SNX29: variants seen among roughly 807,000 people sequenced by gnomAD.
The protein encoded by SNX29 is sorting nexin 29.
SNX29 carries 78 observed loss-of-function variants against 102.1 expected under a neutral mutation model. The observed-to-expected ratio is 0.76, with a 90% CI of 0.64 to 0.92. SNX29 has a LOEUF of 0.92. SNX29 is among the 40% of genes least tolerant of loss of function. SNX29 has a pLI of 0.00. For missense variants in SNX29, 1,280 were observed against 1,061.7 expected, an observed-to-expected ratio of 1.21 and a Z score of -2.86; for synonymous variants, 580 against 414.5, an observed-to-expected ratio of 1.40 and a Z score of -4.85.
At position 12,553,499 on chromosome 16, in the gene SNX29, GCA is replaced by G. The variant is rs570838638; in HGVS notation, c.2319-15003_2319-15002del. ...GCTGCTTAGACCAGGCAGGGCAGGT[GCA>G]CACTTGCCATCACAGTGCTGGAGGA... On this transcript the variant is annotated intron_variant, in intron 20 of 20. Transcript: ENST00000566228. Among the ~76,000 whole-genome samples the G allele has an allele frequency of 1.9e-3, 287 of 152,294 alleles. 4 individuals are homozygous for G. The highest frequency in any genetic ancestry group is 6.6e-3 in the African/African-American group (276 of 41,576).
intron 1 of SNX29, among the ~76,000 whole-genome samples, chr16:11,983,076 G>A (rs1285915557): frequency 1.3e-5 from 2 of 151,844 alleles, no homozygotes; most frequent in African/African-American, 4.8e-5. Context: ...GATTACGGGC[G>A]TGCACCACCA....
At chr16:12,544,507 A>G (rs1361270919) in intron 20 of SNX29, among the ~76,000 whole-genome samples, 1 of 152,016 alleles carries the variant, frequency 6.6e-6, no homozygotes, top group Non-Finnish European at 1.5e-5. Flanking sequence ...TCTAGATGGC[A>G]TTTTTCTGTG....
At position 12,572,095 on chromosome 16, in the gene SNX29, G is replaced by C; in HGVS notation, c.*3466G>C. The C allele has an allele frequency of 9.4e-6, 10 of 1,058,678 alleles. No homozygotes were observed. The highest frequency in any genetic ancestry group is 4.6e-5 in the South Asian group (1 of 21,870). The allele number at this position is 1,058,678 out of a possible 1,614,324, so 65.6% of individuals were successfully genotyped here. On this transcript the variant is annotated 3_prime_UTR_variant, in exon 21 of 21. Transcript: ENST00000566228. ...ATCTAGGAAGAGGAAGGGGAGGGAT[G>C]TGGACTGGGTCTGATCACAGCCCTT...
chr16:12,539,204 A>G (rs2077213397), intron 20 of SNX29, among the ~76,000 whole-genome samples: 1 of 152,098 alleles, frequency 6.6e-6, no homozygotes, highest in African/African-American at 2.4e-5. Flanking sequence ...TTGAGTAACC[A>G]CCATCACCGT....
intron 20 of SNX29, among the ~76,000 whole-genome samples, chr16:12,548,505 C>G (rs1186119809): frequency 6.6e-6 from 1 of 152,194 alleles, no homozygotes; most frequent in Admixed American, 6.5e-5. Context: ...GTTGTCTTGT[C>G]TGGACCAGAT....
intron 15 of SNX29, among the ~76,000 whole-genome samples, chr16:12,351,767 A>T (rs1358660023): frequency 6.6e-6 from 1 of 151,974 alleles, no homozygotes; most frequent in Non-Finnish European, 1.5e-5. Flanking sequence ...AGCCCAACTC[A>T]AATGTCACTT....
intron 13 of SNX29, among the ~76,000 whole-genome samples, chr16:12,133,255 T>C (rs1024500962): frequency 1.3e-4 from 19 of 151,432 alleles, no homozygotes; most frequent in South Asian, 2.1e-4. Context: ...TTACTTAACT[T>C]CTCTGTTTCT....
At chr16:12,305,999 G>T (rs1266340969) in intron 15 of SNX29, among the ~76,000 whole-genome samples, 1 of 151,892 alleles carries the variant, frequency 6.6e-6, no homozygotes, top group Non-Finnish European at 1.5e-5. Context: ...TATACTGGAG[G>T]ACACGGTTCT....
intron 15 of SNX29, among the ~76,000 whole-genome samples, chr16:12,327,517 G>A (rs894762269): frequency 1.3e-5 from 2 of 152,244 alleles, no homozygotes; most frequent in South Asian, 4.1e-4. Context: ...ACTCTGTCTT[G>A]TCCTTCTAAG....
intron 20 of SNX29, chr16:12,545,487 A>G (rs2077552944): frequency 6.6e-6 from 1 of 152,218 alleles, no homozygotes; most frequent in South Asian, 2.1e-4. Flanking sequence ...TCCTCCTGCA[A>G]CTGTGGCAAG....
chr16:12,044,597 GAGA>G (rs560660968), intron 5 of SNX29, among the ~76,000 whole-genome samples: 1,743 of 151,822 alleles, frequency 0.011, 28 homozygotes, highest in African/African-American at 0.04. Context: ...CCTTTTTTTT[GAGA>G]AGAAGTCTCG....
At chr16:12,064,056 A>G (rs1049286979) in intron 9 of SNX29, among the ~76,000 whole-genome samples, 2 of 151,846 alleles carry the variant, frequency 1.3e-5, no homozygotes, top group African/African-American at 4.8e-5. Flanking sequence ...CTCATGAATC[A>G]ATTTCCTGCT....
chr16:12,562,006 C>T (rs1239981505), intron 20 of SNX29, among the ~76,000 whole-genome samples: 1 of 152,158 alleles, frequency 6.6e-6, no homozygotes, highest in African/African-American at 2.4e-5. Context: ...GACCCTGCAA[C>T]CCAGGAGGCC....
At chr16:12,333,732 T>G (rs879824180) in intron 15 of SNX29, among the ~76,000 whole-genome samples, 1 of 152,130 alleles carries the variant, frequency 6.6e-6, no homozygotes, top group African/African-American at 2.4e-5. Flanking sequence ...AAGGTCTTAT[T>G]ACTTCAGCCA....
intron 7 of SNX29, among the ~76,000 whole-genome samples, chr16:12,050,458 G>C (rs1318356191): frequency 2.6e-5 from 4 of 152,172 alleles, no homozygotes; most frequent in Non-Finnish European, 5.9e-5. Context: ...GTGTGGGTTG[G>C]CATGGTGGCT....
chr16:12,000,788 G>T (rs759004052), intron 2 of SNX29, among the ~76,000 whole-genome samples: 6 of 152,162 alleles, frequency 3.9e-5, no homozygotes, highest in South Asian at 2.1e-4. Flanking sequence ...TGGCTCAGAC[G>T]TAGCTGGAAT....
At position 12,380,944 on chromosome 16, in the gene SNX29, TCCATCCAC is replaced by T. The variant is rs1303887624; in HGVS notation, c.1900-17494_1900-17487del. ...CCACCATCCATCCATCCACCATCCA[TCCATCCAC>T]CCATCCATCAATTTCATCCACCCAC... On this transcript the variant is annotated intron_variant, in intron 16 of 20. Coordinates refer to ENST00000566228, the MANE Select transcript of SNX29 (RefSeq NM_032167.5). 1.4e-4 allele frequency among the ~76,000 whole-genome samples: 5 copies of T among 35,654 alleles called. No individual in the cohort carries two copies. In the African/African-American group the frequency reaches 1.9e-3, roughly 13 times the overall value. 23.4% of individuals were successfully genotyped at this position (35,654 alleles called of 152,430 possible).
At chr16:12,156,341 T>G (rs1302461865) in intron 13 of SNX29, among the ~76,000 whole-genome samples, 2 of 152,148 alleles carry the variant, frequency 1.3e-5, no homozygotes, top group Admixed American at 1.3e-4. Flanking sequence ...ACCCGGTGAA[T>G]TTTTGTATGT....
intron 13 of SNX29, among the ~76,000 whole-genome samples, chr16:12,155,173 T>C (rs2055489114): frequency 6.6e-6 from 1 of 152,148 alleles, no homozygotes; most frequent in Admixed American, 6.5e-5. Context: ...GGACTCTGGC[T>C]CTTGTTGCTA....
Sources: allele counts gnomAD v4.1 joint callset (sites outside exome capture counted in the v4.1 genomes callset), GRCh38; gene constraint gnomAD v4.1.1; transcripts MANE v1.5; gene names NCBI Gene and HGNC (gene_info 2026-07-23, HGNC 2026-07-21).